The following GRM5 variants were observed in gnomAD, a reference collection of about 807,000 sequenced individuals.
GRM5 encodes the protein glutamate metabotropic receptor 5, also known as metabotropic glutamate receptor 5.
Under a neutral mutation model 83.1 loss-of-function variants are expected in GRM5, and 19 were observed. The observed-to-expected ratio is 0.23, with a 90% CI of 0.16 to 0.34. The LOEUF is 0.34. Ranked by LOEUF, GRM5 falls within the 10% of genes least tolerant of loss-of-function variation. GRM5 has a pLI of 1.00. For missense variants in GRM5, 1,160 were observed against 1,588.3 expected, an observed-to-expected ratio of 0.73 and a Z score of 4.58; for synonymous variants, 675 against 633.6, an observed-to-expected ratio of 1.07 and a Z score of -0.98.
chr11:88,508,458 CGT>C lies in GRM5; in HGVS notation c.*132_*133del. 1.7e-6 allele frequency: 1 copy of C among 604,780 alleles called. No homozygotes were observed. The allele number at this position is 604,780 out of a possible 1,614,324, so 37.5% of individuals were successfully genotyped here. A position where few individuals can be genotyped will look rare whatever the true frequency, so the allele number is the denominator to read the frequency against. The stretch of plus-strand genomic sequence containing the variant: ...TGTCATGAGATAGCACTACTGATCT[CGT>C]GTTTCCATTAAGGGGTGCCCTTGGC... On this transcript the variant is annotated 3_prime_UTR_variant, in exon 10 of 10. Transcript: ENST00000305447. The surrounding 1 kb of genome is among the most constrained non-coding windows in gnomAD (Gnocchi z 4.2).
chr11:88,509,781 T>C (rs1379150688), intron 9 of GRM5, among the ~76,000 whole-genome samples: 1 of 152,116 alleles, frequency 6.6e-6, no homozygotes, highest in East Asian at 1.9e-4. Flanking sequence ...GAAGGAGTGT[T>C]TATTAGGATT....
chr11:89,032,300 G>A (rs929280918), intron 2 of GRM5, among the ~76,000 whole-genome samples: 5 of 151,912 alleles, frequency 3.3e-5, no homozygotes, highest in African/African-American at 1.2e-4. Flanking sequence ...CTTAAACACA[G>A]TGATAAAAAC....
rs75325865 is a variant in GRM5, at chr11:88,788,050, G to T, written c.911+61856C>A. On this transcript the variant is annotated intron_variant, in intron 3 of 9. Transcript: ENST00000305447. ...GCAAAATGGTTGTTTTATAAATGTT[G>T]CCCTGAAAGACTACTCTCTTTATAT... Among the ~76,000 whole-genome samples the T allele has an allele frequency of 7.4e-3, 1,130 of 152,166 alleles. 14 individuals carry two copies. The highest frequency in any genetic ancestry group is 0.033 in the Admixed American group (496 of 15,254).
chr11:89,052,967 G>A (rs1176380954), intron 1 of GRM5, among the ~76,000 whole-genome samples: 1 of 152,102 alleles, frequency 6.6e-6, no homozygotes, highest in African/African-American at 2.4e-5. Context: ...TAGAATTTAT[G>A]TCTATGCCTG....
intron 2 of GRM5, among the ~76,000 whole-genome samples, chr11:88,889,081 T>A (rs1270107209): frequency 6.6e-6 from 1 of 152,184 alleles, no homozygotes; most frequent in East Asian, 1.9e-4. Flanking sequence ...GCCAGCTGAT[T>A]GATCAAGGGC....
chr11:89,005,726 G>A (rs1174753118), intron 2 of GRM5, among the ~76,000 whole-genome samples: 1 of 152,204 alleles, frequency 6.6e-6, no homozygotes, highest in Non-Finnish European at 1.5e-5. Flanking sequence ...TAATGTAACG[G>A]TGGATGCCTT....
intron 3 of GRM5, among the ~76,000 whole-genome samples, chr11:88,705,209 G>C (rs1042918310): frequency 2.0e-5 from 3 of 152,022 alleles, no homozygotes; most frequent in African/African-American, 7.2e-5. Context: ...CTTCAGCCTG[G>C]AAGCACATTA....
At chr11:88,857,506 G>A (rs1454760642) in intron 2 of GRM5, among the ~76,000 whole-genome samples, 2 of 152,090 alleles carry the variant, frequency 1.3e-5, no homozygotes, top group East Asian at 3.9e-4. Flanking sequence ...CAGGGTTGTG[G>A]CTTAAACTAG....
intron 2 of GRM5, among the ~76,000 whole-genome samples, chr11:88,945,405 T>C (rs1459927633): frequency 6.6e-6 from 1 of 152,034 alleles, no homozygotes; most frequent in Non-Finnish European, 1.5e-5. Flanking sequence ...GTAGCATTCA[T>C]ATGGAACAAA....
chr11:88,825,564 G>C (rs1183858592), intron 3 of GRM5, among the ~76,000 whole-genome samples: 3 of 152,102 alleles, frequency 2.0e-5, no homozygotes, highest in Non-Finnish European at 4.4e-5. Flanking sequence ...CATACAGTGT[G>C]GGTGTCTCTT....
intron 3 of GRM5, among the ~76,000 whole-genome samples, chr11:88,722,990 T>TA (rs1941583302): frequency 6.6e-6 from 1 of 152,028 alleles, no homozygotes; most frequent in African/African-American, 2.4e-5. Flanking sequence ...TTTCAGGCCC[T>TA]AAAAATCCCC....
At chr11:88,866,237 G>T (rs1590924053) in intron 2 of GRM5, among the ~76,000 whole-genome samples, 1 of 152,070 alleles carries the variant, frequency 6.6e-6, no homozygotes, top group African/African-American at 2.4e-5. Flanking sequence ...AAAAGGATGA[G>T]TTCATGTCCT....
At chr11:88,745,177 T>C (rs182578590) in intron 3 of GRM5, among the ~76,000 whole-genome samples, 8 of 83,072 alleles carry the variant, frequency 9.6e-5, no homozygotes, top group African/African-American at 3.0e-4. Context: ...CTTCTCCTAA[T>C]TTTTTTTTCT....
chr11:88,790,288 A>T (rs1443333649), intron 3 of GRM5, among the ~76,000 whole-genome samples: 1 of 152,168 alleles, frequency 6.6e-6, no homozygotes, highest in African/African-American at 2.4e-5. Flanking sequence ...ACAAACACAG[A>T]ACATCACACA....
At chr11:88,825,284 C>A (rs546719868) in intron 3 of GRM5, among the ~76,000 whole-genome samples, 9 of 149,842 alleles carry the variant, frequency 6.0e-5, no homozygotes, top group East Asian at 3.9e-4. Context: ...TGAATTTTTT[C>A]TTTGTTGATG....
chr11:88,630,660 C>A (rs996358352), intron 4 of GRM5, among the ~76,000 whole-genome samples: 2 of 151,710 alleles, frequency 1.3e-5, no homozygotes, highest in Admixed American at 6.6e-5. Flanking sequence ...CTCACTGCAA[C>A]CTCTGCCTCG....
chr11:88,923,807 G>A (rs1386900639), intron 2 of GRM5, among the ~76,000 whole-genome samples: 10 of 150,438 alleles, frequency 6.6e-5, no homozygotes, highest in Non-Finnish European at 1.2e-4. Flanking sequence ...AATATCTCAT[G>A]TACCCCATGA....
intron 2 of GRM5, among the ~76,000 whole-genome samples, chr11:88,931,335 T>C (rs1410740584): frequency 6.6e-6 from 1 of 151,996 alleles, no homozygotes; most frequent in Non-Finnish European, 1.5e-5. Context: ...TATATACCAC[T>C]TTAAGGAATA....
chr11:89,028,321 G>C (rs1038482209), intron 2 of GRM5, among the ~76,000 whole-genome samples: 7 of 152,122 alleles, frequency 4.6e-5, no homozygotes, highest in African/African-American at 1.7e-4. Context: ...GGTGGCTCCT[G>C]CCTGTAATGC....
Sources: allele counts gnomAD v4.1 joint callset (sites outside exome capture counted in the v4.1 genomes callset), GRCh38; gene constraint gnomAD v4.1.1; non-coding constraint Gnocchi (gnomAD v3.1); transcripts MANE v1.5; gene names NCBI Gene and HGNC (gene_info 2026-07-23, HGNC 2026-07-21).